The following LUZP2 variants were observed in gnomAD, a reference collection of about 807,000 sequenced individuals.
LUZP2 encodes the protein leucine zipper protein 2.
In LUZP2, 52 loss-of-function variants were observed where a neutral mutation model predicts 51.6. The observed-to-expected ratio is 1.01, with a 90% CI of 0.81 to 1.27. LUZP2 has a LOEUF of 1.27. Among genes scored for constraint, LUZP2 ranks in the 50% most tolerant of loss-of-function variants. The pLI, the probability that LUZP2 is intolerant of heterozygous loss-of-function variation, is 0.00. For missense variants in LUZP2, 436 were observed against 395.4 expected (o/e 1.10, Z -0.87); for synonymous variants, 154 against 137.3 (o/e 1.12, Z -0.85).
At chr11:24,758,611 A>C (rs1389224803) in intron 4 of LUZP2, among the ~76,000 whole-genome samples, 1 of 152,064 alleles carries the variant, frequency 6.6e-6, no homozygotes, top group Non-Finnish European at 1.5e-5. Context: ...GTTGTAATTG[A>C]AGTTTGGATA....
At position 24,680,801 on chromosome 11, in the gene LUZP2, A is replaced by G. The variant is rs377619807; in HGVS notation, c.63-48368A>G. Among the ~76,000 whole-genome samples the G allele has an allele frequency of 4.6e-5, 7 of 152,306 alleles. No individual in the cohort carries two copies. The East Asian group carries it at 1.2e-3, about 25-fold the overall frequency. ...ATATAGGAATCAAGGCTCAGAATCT[A>G]AATGCAATTAACTTGCTCAAGGTCA... On this transcript the variant is annotated intron_variant, in intron 1 of 11. Coordinates refer to ENST00000336930, the MANE Select transcript of LUZP2 (RefSeq NM_001009909.4).
intron 5 of LUZP2, among the ~76,000 whole-genome samples, chr11:24,852,371 G>A (rs531073682): frequency 1.3e-5 from 2 of 152,280 alleles, no homozygotes; most frequent in East Asian, 3.9e-4. Flanking sequence ...TTACCCAGTA[G>A]TCATTCAGGA....
At chr11:24,768,089 T>C (rs769256174) in intron 5 of LUZP2, among the ~76,000 whole-genome samples, 38 of 152,100 alleles carry the variant, frequency 2.5e-4, no homozygotes, top group Non-Finnish European at 3.7e-4. Context: ...CTAGGAAATA[T>C]TAGGCAAATC....
At chr11:24,814,391 G>C (rs1850110955) in intron 5 of LUZP2, among the ~76,000 whole-genome samples, 1 of 152,146 alleles carries the variant, frequency 6.6e-6, no homozygotes, top group Admixed American at 6.5e-5. Context: ...AAAAGAGAGA[G>C]ATAAAAGAGA....
At chr11:24,986,605 T>C (rs1164374409) in intron 9 of LUZP2, among the ~76,000 whole-genome samples, 6 of 150,808 alleles carry the variant, frequency 4.0e-5, no homozygotes, top group Admixed American at 3.3e-4. Flanking sequence ...TTATAGATAA[T>C]ATACAAAAAA....
intron 1 of LUZP2, among the ~76,000 whole-genome samples, chr11:24,686,927 G>A (rs1856912345): frequency 6.6e-6 from 1 of 151,982 alleles, no homozygotes. Context: ...CATAATTTTA[G>A]CAATCATTTG....
chr11:24,807,024 CAAA>C (rs34565471), intron 5 of LUZP2, among the ~76,000 whole-genome samples: 1,131 of 110,244 alleles, frequency 0.01, 23 homozygotes, highest in African/African-American at 0.036. Context: ...GAAAATCCAC[CAAA>C]AAAAAAAAAA....
chr11:24,741,841 T>G (rs1340975245), intron 4 of LUZP2, among the ~76,000 whole-genome samples: 3 of 139,266 alleles, frequency 2.2e-5, no homozygotes, highest in African/African-American at 8.2e-5. Flanking sequence ...TTATATATAT[T>G]TATAAATATA....
At chr11:24,966,018 TTAAGA>T (rs1855571467) in intron 7 of LUZP2, among the ~76,000 whole-genome samples, 2 of 151,822 alleles carry the variant, frequency 1.3e-5, no homozygotes, top group South Asian at 2.1e-4. Context: ...TTAGATATTC[TTAAGA>T]TAAGATAGTA....
At chr11:24,864,683 G>A (rs1362015824) in intron 5 of LUZP2, among the ~76,000 whole-genome samples, 2 of 152,122 alleles carry the variant, frequency 1.3e-5, no homozygotes, top group Non-Finnish European at 2.9e-5. Flanking sequence ...AATAAAGTCT[G>A]GAGATTCACA....
intron 9 of LUZP2, among the ~76,000 whole-genome samples, chr11:25,049,105 G>A (rs1444901773): frequency 6.6e-6 from 1 of 152,158 alleles, no homozygotes; most frequent in Non-Finnish European, 1.5e-5. Context: ...GTAGAAAGTA[G>A]CGCAGGTAAA....
chr11:24,598,630 A>G (rs1030060143), intron 1 of LUZP2, among the ~76,000 whole-genome samples: 5 of 152,176 alleles, frequency 3.3e-5, no homozygotes, highest in African/African-American at 1.2e-4. Context: ...CCCTGAAAAT[A>G]AGCTAATCAT....
chr11:24,916,867 G>GT (rs1388893555), intron 7 of LUZP2, among the ~76,000 whole-genome samples: 16 of 152,124 alleles, frequency 1.1e-4, no homozygotes, highest in African/African-American at 2.9e-4. Context: ...GGATGGCTGG[G>GT]CAAATGGTAT....
intron 4 of LUZP2, among the ~76,000 whole-genome samples, chr11:24,744,189 CTTCCTGGT>C (rs1202513491): frequency 6.6e-6 from 1 of 151,932 alleles, no homozygotes; most frequent in Non-Finnish European, 1.5e-5. Flanking sequence ...GGCTATGTCC[CTTCCTGGT>C]TTTGGTAATA....
intron 1 of LUZP2, among the ~76,000 whole-genome samples, chr11:24,625,968 A>G (rs1854666188): frequency 6.6e-6 from 1 of 152,194 alleles, no homozygotes; most frequent in Admixed American, 6.6e-5. Flanking sequence ...GAGTAGGAAC[A>G]TAAATAGTTA....
chr11:24,627,364 A>T (rs1854718042), intron 1 of LUZP2, among the ~76,000 whole-genome samples: 1 of 152,194 alleles, frequency 6.6e-6, no homozygotes, highest in Non-Finnish European at 1.5e-5. Context: ...ATTGATGGCC[A>T]GAAATGTCAG....
chr11:24,817,265 C>T (rs947024784), intron 5 of LUZP2, among the ~76,000 whole-genome samples: 1 of 151,956 alleles, frequency 6.6e-6, no homozygotes, highest in Non-Finnish European at 1.5e-5. Flanking sequence ...AGAGATGCAT[C>T]AAAGTGTAAT....
At chr11:24,598,322 C>T (rs1229522004) in intron 1 of LUZP2, among the ~76,000 whole-genome samples, 1 of 151,846 alleles carries the variant, frequency 6.6e-6, no homozygotes, top group African/African-American at 2.4e-5. Flanking sequence ...TTTGTACAAG[C>T]TTCTGTACAA....
chr11:24,558,961 A>G (rs1851952300), intron 1 of LUZP2, among the ~76,000 whole-genome samples: 1 of 152,268 alleles, frequency 6.6e-6, no homozygotes, highest in Middle Eastern at 3.4e-3. Flanking sequence ...ATTTTTTAGC[A>G]GCAGAAATGG....
Sources: allele counts gnomAD v4.1 joint callset (sites outside exome capture counted in the v4.1 genomes callset), GRCh38; gene constraint gnomAD v4.1.1; transcripts MANE v1.5; gene names NCBI Gene and HGNC (gene_info 2026-07-23, HGNC 2026-07-21).